APOOL: variants seen among roughly 807,000 people sequenced by gnomAD.
APOOL encodes MICOS complex subunit MIC27.
In APOOL, 12 loss-of-function variants were observed where a neutral mutation model predicts 23.1. That is an observed-to-expected ratio of 0.52 (90% CI 0.33 to 0.84). The LOEUF (loss-of-function observed/expected upper bound fraction) is 0.84, where lower values mean the gene tolerates loss of function less well. APOOL is among the 40% of genes least tolerant of loss of function. The pLI is 0.02. For synonymous variants in APOOL, 77 were observed against 69.9 expected (o/e 1.10, Z -0.51); for missense variants, 212 against 199.6 (o/e 1.06, Z -0.37).
At position 85,090,160 on chromosome X, in the gene APOOL, T is replaced by G. The variant is rs1924482428; in HGVS notation, c.*2482T>G. On this transcript the variant is annotated 3_prime_UTR_variant, in exon 9 of 9. Coordinates refer to ENST00000373173, the MANE Select transcript of APOOL (RefSeq NM_198450.6). ...CCAGGGAGCAGATACACATTCAAAG[T>G]AGGAAATAGCAGATAAAAATGTACA... The G allele has an allele frequency of 9.1e-6, 1 of 110,482 alleles. No homozygotes were observed. The highest frequency in any genetic ancestry group is 9.7e-5 in the Admixed American group (1 of 10,299). 9.1% of individuals were successfully genotyped at this position (110,482 alleles called of 1,213,427 possible).
chrX:85,024,385 T>C (rs2147478987), intron 1 of APOOL, among the ~76,000 whole-genome samples: 1 of 112,624 alleles, frequency 8.9e-6, no homozygotes, highest in Admixed American at 9.4e-5. Flanking sequence ...TCTCTTTTTC[T>C]GATCTCCCCA....
At chrX:85,037,220 G>A (rs1000856263) in intron 1 of APOOL, among the ~76,000 whole-genome samples, 19 of 111,684 alleles carry the variant, frequency 1.7e-4, no homozygotes, top group African/African-American at 5.9e-4. Flanking sequence ...ATTACCTGAT[G>A]ATATGGGTTG....
At chrX:85,023,023 T>G (rs1000541220) in intron 1 of APOOL, among the ~76,000 whole-genome samples, 2 of 111,592 alleles carry the variant, frequency 1.8e-5, no homozygotes, top group African/African-American at 6.5e-5. Context: ...TCTCTCTTGC[T>G]TCCTCTCTTG....
At chrX:85,059,704 T>C (rs1368621803) in intron 5 of APOOL, among the ~76,000 whole-genome samples, 1 of 110,548 alleles carries the variant, frequency 9.0e-6, no homozygotes, top group South Asian at 3.9e-4. Context: ...TCATATCCTT[T>C]GCCCACTTTT....
intron 1 of APOOL, among the ~76,000 whole-genome samples, chrX:85,019,261 G>A (rs1921579253): frequency 9.3e-6 from 1 of 107,713 alleles, no homozygotes; most frequent in Admixed American, 9.8e-5. Context: ...AATAAGTGAG[G>A]CCTATCTGAA....
chrX:85,058,122 T>C (rs1215793071), intron 5 of APOOL, among the ~76,000 whole-genome samples: 2 of 111,313 alleles, frequency 1.8e-5, no homozygotes, highest in Non-Finnish European at 3.8e-5. Context: ...TTAGATTTGT[T>C]ACATAGGTAA....
At chrX:85,080,291 T>A (rs1320906480) in intron 8 of APOOL, 1 of 112,109 alleles carries the variant, frequency 8.9e-6, no homozygotes, top group Non-Finnish European at 1.9e-5. Flanking sequence ...GTACGTTGTG[T>A]CTTTGTTTTC....
At chrX:85,074,217 GATGAAGGAAATAGTAA>G in intron 7 of APOOL, 41 bp from the exon 8 acceptor site, 1 of 1,192,936 alleles carries the variant, frequency 8.4e-7, no homozygotes, top group Non-Finnish European at 1.1e-6. Context: ...TGAGAAAGTA[GATGAAGGAAATAGTAA>G]AATGATTTAC....
intron 5 of APOOL, among the ~76,000 whole-genome samples, chrX:85,061,393 C>G (rs1254005480): frequency 2.7e-5 from 3 of 111,595 alleles, no homozygotes; most frequent in African/African-American, 9.8e-5. Flanking sequence ...ATGCTGGCCT[C>G]AGAAAATGAG....
intron 5 of APOOL, among the ~76,000 whole-genome samples, chrX:85,062,951 G>T (rs1235943232): frequency 9.0e-6 from 1 of 111,391 alleles, no homozygotes; most frequent in Non-Finnish European, 1.9e-5. Context: ...AATTCCATTG[G>T]GCAACATGGC....
chrX:85,047,993 GC>G (rs1328334210), intron 2 of APOOL, among the ~76,000 whole-genome samples: 2 of 111,224 alleles, frequency 1.8e-5, no homozygotes, highest in East Asian at 5.6e-4. Flanking sequence ...TCCAGCTATT[GC>G]TATTGTAATC....
chrX:85,019,932 C>T (rs762140893), intron 1 of APOOL, among the ~76,000 whole-genome samples: 2 of 111,790 alleles, frequency 1.8e-5, no homozygotes, highest in African/African-American at 6.5e-5. Context: ...GTGACTTAAG[C>T]CCCAGAGTGT....
At chrX:85,067,006 A>G (rs1370658584) in intron 5 of APOOL, 121 bp from the exon 6 acceptor site, 1 of 435,748 alleles carries the variant, frequency 2.3e-6, no homozygotes, top group East Asian at 3.8e-5. Flanking sequence ...ATAATTACCT[A>G]AAAAGTAATT....
At chrX:85,070,704 A>G (rs374459942) in intron 6 of APOOL, among the ~76,000 whole-genome samples, 5 of 110,615 alleles carry the variant, frequency 4.5e-5, no homozygotes, top group Admixed American at 2.9e-4. Context: ...ATATACCCAG[A>G]ACTTGTTCAT....
At chrX:85,015,184 T>C (rs1921423360) in intron 1 of APOOL, among the ~76,000 whole-genome samples, 1 of 111,813 alleles carries the variant, frequency 8.9e-6, no homozygotes, top group Non-Finnish European at 1.9e-5. Context: ...GATTGGTTTT[T>C]CTTTATGATA....
rs1924479985 is a variant in APOOL at position 85,090,039 on chromosome X, T to A, written c.*2361T>A. 1 of 110,423 alleles carries A rather than the reference T, an allele frequency of 9.1e-6. No homozygotes were observed. The highest frequency in any genetic ancestry group is 9.8e-5 in the Admixed American group (1 of 10,248). The allele number at this position is 110,423 out of a possible 1,213,427, so 9.1% of individuals were successfully genotyped here. A position where few individuals can be genotyped will look rare whatever the true frequency, so the allele number is the denominator to read the frequency against. On this transcript the variant is annotated 3_prime_UTR_variant, in exon 9 of 9. Transcript: ENST00000373173. ...GTATAGGGTTGGGACAGTGGCTCAT[T>A]GGTGCTATCAAGGACGTAGACTTTT...
At chrX:85,042,130 G>C (rs996360158) in intron 1 of APOOL, among the ~76,000 whole-genome samples, 1 of 111,853 alleles carries the variant, frequency 8.9e-6, no homozygotes, top group East Asian at 2.8e-4. Context: ...AAATGAAATT[G>C]AAATGAAGAA....
intron 5 of APOOL, among the ~76,000 whole-genome samples, chrX:85,061,382 G>T (rs1312591666): frequency 9.0e-6 from 1 of 111,678 alleles, no homozygotes; most frequent in East Asian, 2.8e-4. Flanking sequence ...GTATCAGGAT[G>T]ATGCTGGCCT....
intron 6 of APOOL, among the ~76,000 whole-genome samples, chrX:85,067,914 T>G (rs894370078): frequency 1.6e-4 from 18 of 111,257 alleles, no homozygotes; most frequent in African/African-American, 5.9e-4. Context: ...CCCCTCATGC[T>G]TGAAACAATG....
Sources: gnomAD v4.1 joint callset for allele counts (sites outside exome capture counted in the v4.1 genomes callset) on GRCh38, gnomAD v4.1.1 for gene constraint, MANE v1.5 for transcripts, NCBI Gene and HGNC (gene_info 2026-07-23, HGNC 2026-07-21) for gene names.